The following ANTXR2 variants were observed in gnomAD, a reference collection of about 807,000 sequenced individuals.
ANTXR2 encodes the protein ANTXR cell adhesion molecule 2.
A neutral mutation model predicts 73.7 loss-of-function variants in ANTXR2; 44 were observed. The ratio of observed to expected loss-of-function variants is 0.60; its 90% CI spans 0.47 to 0.77. The LOEUF (loss-of-function observed/expected upper bound fraction) is 0.77, where lower values mean the gene tolerates loss of function less well. Among genes scored for constraint, ANTXR2 ranks in the 30% least tolerant of loss-of-function variants. The probability of loss-of-function intolerance (pLI) is 0.00; values close to 1 mark genes in which losing one functional copy is unlikely to be tolerated. For synonymous variants in ANTXR2, 217 were observed against 205.9 expected (o/e 1.05, Z -0.46); for missense variants, 604 against 592.5 (o/e 1.02, Z -0.20).
At chr4:80,000,435 T>G (rs1267938780) in intron 12 of ANTXR2, among the ~76,000 whole-genome samples, 1 of 152,004 alleles carries the variant, frequency 6.6e-6, no homozygotes, top group Admixed American at 6.6e-5. Context: ...TTTTCTCAAT[T>G]TTAAGAATTG....
intron 16 of ANTXR2, among the ~76,000 whole-genome samples, chr4:79,950,668 G>C (rs1728670978): frequency 6.6e-6 from 1 of 152,098 alleles, no homozygotes; most frequent in South Asian, 2.1e-4. Flanking sequence ...TGACCCATGA[G>C]AGAGAAAATA....
rs553947316 is a variant in ANTXR2 at position 79,985,376 on chromosome 4, G to GA, written c.1042-514dup. 3.3e-5 allele frequency among the ~76,000 whole-genome samples: 5 copies of GA among 150,914 alleles called. 1 individual carries two copies. The South Asian group carries it at 6.3e-4, about 19-fold the overall frequency. On this transcript the variant is annotated intron_variant, in intron 12 of 16. Transcript: ENST00000403729. Reference sequence around the variant, plus strand: ...AAAAAAAAAGAAAAAGAAAAAGAAAGAAAAAAAAGAAAAAGGTAGAAGTGG... The same window carrying GA: ...AAAAAAAAAGAAAAAGAAAAAGAAAGAAAAAAAAAGAAAAAGGTAGAAGTGG...
intron 14 of ANTXR2, among the ~76,000 whole-genome samples, chr4:79,983,185 G>C (rs1321426114): frequency 1.3e-5 from 2 of 152,036 alleles, no homozygotes; most frequent in Non-Finnish European, 2.9e-5. Flanking sequence ...TTGCTCCTTG[G>C]GATGGGATGC....
intron 11 of ANTXR2, among the ~76,000 whole-genome samples, chr4:80,014,963 T>C (rs1001548646): frequency 9.2e-5 from 14 of 152,214 alleles, no homozygotes; most frequent in Non-Finnish European, 1.9e-4. Flanking sequence ...TCTTCCCTCT[T>C]GCAACAGTCT....
chr4:80,000,635 T>C (rs1411808460), intron 12 of ANTXR2, among the ~76,000 whole-genome samples: 4 of 152,054 alleles, frequency 2.6e-5, no homozygotes, highest in African/African-American at 9.7e-5. Context: ...ACCAAAAGGG[T>C]AACATTTGCT....
chr4:80,001,944 T>G (rs1407067307), intron 12 of ANTXR2, among the ~76,000 whole-genome samples: 1 of 151,990 alleles, frequency 6.6e-6, no homozygotes, highest in East Asian at 1.9e-4. Context: ...TATGTGTGTC[T>G]CTGCACGTGA....
At chr4:80,062,464 C>T (rs2110116203) in intron 3 of ANTXR2, among the ~76,000 whole-genome samples, 1 of 152,274 alleles carries the variant, frequency 6.6e-6, no homozygotes, top group East Asian at 1.9e-4. Flanking sequence ...AGAACATGCT[C>T]ATAAAACAGA....
In ANTXR2 at chr4:80,072,969, T is replaced by TCCC; in HGVS notation, c.-412_-410dup. 6.0e-6 allele frequency: 1 copy of TCCC among 167,532 alleles called. No homozygotes were observed. Among genetic ancestry groups the TCCC allele is most frequent in the African/African-American group, 2.4e-5 (1 of 42,042 alleles). The allele number at this position is 167,532 out of a possible 1,614,324, so 10.4% of individuals were successfully genotyped here. A position where few individuals can be genotyped will look rare whatever the true frequency, so the allele number is the denominator to read the frequency against. ...ACCCACCCCGCCTGGAGGGCTGAAG[T>TCCC]CCCCCCCGCTGCCGTGCGCTTCGGG... On this transcript the variant is annotated 5_prime_UTR_variant, in exon 1 of 17. Coordinates refer to ENST00000403729, the MANE Select transcript of ANTXR2 (RefSeq NM_058172.6).
intron 7 of ANTXR2, among the ~76,000 whole-genome samples, chr4:80,041,152 AG>A (rs565370582): frequency 3.1e-4 from 47 of 152,196 alleles, no homozygotes; most frequent in Non-Finnish European, 6.2e-4. Flanking sequence ...ACTGGGGCTT[AG>A]AAAGATTTTT....
At chr4:80,008,665 C>T in intron 11 of ANTXR2, 49 bp from the exon 12 acceptor site, 1 of 1,164,776 alleles carries the variant, frequency 8.6e-7, no homozygotes. Flanking sequence ...AGCTTATGGT[C>T]AAATTCCAAA....
At chr4:80,027,184 C>T (rs1732483741) in intron 10 of ANTXR2, among the ~76,000 whole-genome samples, 1 of 151,986 alleles carries the variant, frequency 6.6e-6, no homozygotes, top group Admixed American at 6.6e-5. Flanking sequence ...GTGGTTGTAT[C>T]ACCTGCTACT....
chr4:80,031,624 C>A lies in ANTXR2; in HGVS notation c.865G>T (p.Glu289Ter). 6.6e-7 allele frequency: 1 copy of A among 1,509,338 alleles called. No homozygotes were observed. Among genetic ancestry groups the A allele is most frequent in the East Asian group, 2.6e-5 (1 of 38,936 alleles). The allele number at this position is 1,509,338 out of a possible 1,614,324, so 93.5% of individuals were successfully genotyped here. A position where few individuals can be genotyped will look rare whatever the true frequency, so the allele number is the denominator to read the frequency against. ...AATTGTTTTAAATTAAGTACTTACTCTCCAGCTTTATTCAGGATAGGTGCA... is the reference window on the plus strand; with the variant it reads ...AATTGTTTTAAATTAAGTACTTACTATCCAGCTTTATTCAGGATAGGTGCA... ...CPAPILNKAGETLDVSVSFNG... is the reference protein window; with the variant it reads ...CPAPILNKAG Residue 289 changes from glutamate (E) to a stop codon, truncating the protein, a stop_gained and splice_region_variant, in exon 10 of 17, where the codon GAA (glutamate) becomes TAA (stop). Coordinates refer to ENST00000403729, the MANE Select transcript of ANTXR2 (RefSeq NM_058172.6). LOFTEE classifies it high-confidence loss of function.
At chr4:80,045,704 C>T (rs914346520) in intron 7 of ANTXR2, among the ~76,000 whole-genome samples, 1 of 150,982 alleles carries the variant, frequency 6.6e-6, no homozygotes, top group African/African-American at 2.4e-5. Context: ...AAAGGTCTAA[C>T]AAAATGAAGC....
chr4:79,914,250 C>T lies in ANTXR2; in HGVS notation c.1429-6783G>A, dbSNP rs540291822. On this transcript the variant is annotated intron_variant, in intron 16 of 16. Coordinates refer to ENST00000403729, the MANE Select transcript of ANTXR2 (RefSeq NM_058172.6). ...ATATAATGGCAACTATACAACTTAA[C>T]GTCTTTCTCTTTATGTCTTGGCTTT... is the stretch of plus-strand genomic sequence containing the variant. 2.6e-4 allele frequency among the ~76,000 whole-genome samples: 40 copies of T among 152,174 alleles called. 1 individual carries two copies. The highest frequency in any genetic ancestry group is 3.4e-4 in the Non-Finnish European group (23 of 68,012).
chr4:79,959,769 G>A (rs1005161100), intron 16 of ANTXR2, among the ~76,000 whole-genome samples: 2 of 152,206 alleles, frequency 1.3e-5, no homozygotes, highest in African/African-American at 2.4e-5. Context: ...AGATAATGTA[G>A]TGACAACAGG....
chr4:79,999,846 C>T (rs764043479), intron 12 of ANTXR2, among the ~76,000 whole-genome samples: 2 of 151,894 alleles, frequency 1.3e-5, no homozygotes, highest in African/African-American at 2.4e-5. Context: ...TCCCTTAAGC[C>T]GAGGAGTTCT....
rs148346809 is a variant in ANTXR2 at position 80,051,141 on chromosome 4, G to A, written c.636+3131C>T. Reference sequence around the variant, plus strand: ...ACAATGAAAGGCCTCCCATAACTTCGCATAACTAAACCCATCCTGTCTTTA... The same window carrying A: ...ACAATGAAAGGCCTCCCATAACTTCACATAACTAAACCCATCCTGTCTTTA... On this transcript the variant is annotated intron_variant, in intron 7 of 16. Transcript: ENST00000403729. Among the ~76,000 whole-genome samples the A allele has an allele frequency of 5.0e-3, 763 of 151,580 alleles. 9 individuals carry two copies. Among genetic ancestry groups the A allele is most frequent in the African/African-American group, 0.018 (725 of 41,414 alleles).
chr4:80,052,946 T>A (rs1399009191), intron 7 of ANTXR2, among the ~76,000 whole-genome samples: 1 of 151,582 alleles, frequency 6.6e-6, no homozygotes, highest in African/African-American at 2.4e-5. Flanking sequence ...CAATCCATCA[T>A]CTGGGTAATT....
intron 16 of ANTXR2, among the ~76,000 whole-genome samples, chr4:79,931,646 G>A (rs1461873111): frequency 1.3e-5 from 2 of 152,126 alleles, no homozygotes; most frequent in African/African-American, 2.4e-5. Context: ...TCCAGATAAC[G>A]CAGTGCACTT....
Sources: gnomAD v4.1 joint callset for allele counts (sites outside exome capture counted in the v4.1 genomes callset) on GRCh38, gnomAD v4.1.1 for gene constraint, MANE v1.5 for transcripts, NCBI Gene and HGNC (gene_info 2026-07-23, HGNC 2026-07-21) for gene names.